Variants in NCAPD3 observed in about 807,000 individuals in gnomAD.
NCAPD3 encodes non-SMC condensin II complex subunit D3.
A neutral mutation model predicts 182.9 loss-of-function variants in NCAPD3; 105 were observed. That is an observed-to-expected ratio of 0.57 (90% CI 0.49 to 0.68). The LOEUF is 0.68. Among genes scored for constraint, NCAPD3 ranks in the 30% least tolerant of loss-of-function variants. NCAPD3 has a pLI of 0.00. For synonymous variants in NCAPD3, 815 were observed against 679.9 expected (o/e 1.20, Z -3.09); for missense variants, 1,944 against 1,837.0 (o/e 1.06, Z -1.07).
chr11:134,192,949 C>T, intron 15 of NCAPD3, 40 bp from the exon 16 acceptor site: 1 of 1,166,662 alleles, frequency 8.6e-7, no homozygotes, highest in Non-Finnish European at 1.3e-6. Context: ...GGTCTAAATA[C>T]AAGTCAGGGA....
chr11:134,224,206 G>A, upstream of NCAPD3: 2 of 543,718 alleles, frequency 3.7e-6, no homozygotes, highest in South Asian at 2.3e-5. Context: ...CCCTAACAGC[G>A]TTTTTCCCGC....
In NCAPD3 at chr11:134,168,211, A is replaced by G; in HGVS notation, c.3374-16T>C. The G allele has an allele frequency of 6.2e-7, 1 of 1,610,848 alleles. No homozygotes were observed. The highest frequency in any genetic ancestry group is 8.5e-7 in the Non-Finnish European group (1 of 1,177,194). On this transcript the variant is annotated splice_polypyrimidine_tract_variant and intron_variant, in intron 26 of 34. Transcript: ENST00000534548. ...GCAAAGCACGCTGAGAGACAGAGAG[A>G]GAGAAAAACGTGAGCTTCTGAGAAA... is the stretch of plus-strand genomic sequence containing the variant.
chr11:134,158,612 C>T (rs937008727), intron 29 of NCAPD3, 117 bp from the exon 30 acceptor site: 71 of 1,094,318 alleles, frequency 6.5e-5, no homozygotes, highest in Middle Eastern at 2.6e-4. Context: ...ATGTGGACAA[C>T]GTAATGATCA....
rs529096909 is a variant in NCAPD3, at chr11:134,175,843, G to A, written c.3101+464C>T. 2.0e-5 allele frequency among the ~76,000 whole-genome samples: 3 copies of A among 152,194 alleles called. No individual in the cohort carries two copies. The East Asian group carries it at 5.8e-4, about 29-fold the overall frequency. On this transcript the variant is annotated intron_variant, in intron 24 of 34. Transcript: ENST00000534548. ...GAAATGCCCATTTCCAAGGAGTCTT[G>A]TCATCTGTACACTTGATTCCACATT...
chr11:134,197,975 C>A (rs1168283428), intron 13 of NCAPD3, among the ~76,000 whole-genome samples: 1 of 152,162 alleles, frequency 6.6e-6, no homozygotes, highest in Non-Finnish European at 1.5e-5. Context: ...AGAAAAAAGA[C>A]AAAGAAGTCT....
chr11:134,186,113 C>A (rs893349809), intron 16 of NCAPD3: 1 of 152,094 alleles, frequency 6.6e-6, no homozygotes, highest in Admixed American at 6.6e-5. Flanking sequence ...CTAAAATATG[C>A]AATAACTTAA....
chr11:134,167,948 A>T lies in NCAPD3; in HGVS notation c.3573+48T>A, dbSNP rs200983993. 381 of 1,557,752 alleles carry T rather than the reference A, an allele frequency of 2.4e-4. 1 individual carries two copies. Among genetic ancestry groups the T allele is most frequent in the Middle Eastern group, 1.0e-3 (6 of 5,864 alleles). ...ACTCGTGAGATGAGCTTAGGGGAGC[A>T]GCACACTCACTTGTGAGAAGATGAT... is the stretch of plus-strand genomic sequence containing the variant. On this transcript the variant is annotated intron_variant, in intron 27 of 34. Coordinates refer to ENST00000534548, the MANE Select transcript of NCAPD3 (RefSeq NM_015261.3).
chr11:134,183,957 C>T (rs1944347251), intron 19 of NCAPD3, among the ~76,000 whole-genome samples: 1 of 152,188 alleles, frequency 6.6e-6, no homozygotes, highest in Admixed American at 6.5e-5. Flanking sequence ...TTAATAACCC[C>T]AGCTCTACAT....
At chr11:134,191,224 T>TTAA (rs1487872760) in intron 16 of NCAPD3, among the ~76,000 whole-genome samples, 3 of 152,216 alleles carry the variant, frequency 2.0e-5, no homozygotes, top group African/African-American at 7.2e-5. Flanking sequence ...CTTAAAGACC[T>TTAA]CTGAAATAAA....
At chr11:134,195,334 A>G (rs1944606102) in intron 13 of NCAPD3, among the ~76,000 whole-genome samples, 1 of 152,088 alleles carries the variant, frequency 6.6e-6, no homozygotes, top group Non-Finnish European at 1.5e-5. Context: ...CCTAGCCTCA[A>G]GTGATCCTCC....
Position 134,156,722 on chromosome 11 carries a change from A to C in NCAPD3, c.4252+296T>G, listed in dbSNP as rs189762007. Among the ~76,000 whole-genome samples the C allele has an allele frequency of 4.7e-4, 72 of 152,282 alleles. 1 individual carries two copies. Among genetic ancestry groups the C allele is most frequent in the African/African-American group, 1.6e-3 (67 of 41,558 alleles). On this transcript the variant is annotated intron_variant, in intron 32 of 34. Transcript: ENST00000534548. ...AGAGACACGGAGGGCCGCCTCCAGA[A>C]GGCACCACTGGGTCAGTCACCCAAC...
At position 134,176,351 on chromosome 11, in the gene NCAPD3, G is replaced by A; in HGVS notation, c.3057C>T (p.Phe1019=). 6.2e-7 allele frequency: 1 copy of A among 1,614,080 alleles called. No homozygotes were observed. The highest frequency in any genetic ancestry group is 8.5e-7 in the Non-Finnish European group (1 of 1,179,972). ...AATCGATCAGAGTGCTGACAAATCGGAAGAACAGGGAGCCCTTCCATTTCA... is the reference window on the plus strand; with the variant it reads ...AATCGATCAGAGTGCTGACAAATCGAAAGAACAGGGAGCCCTTCCATTTCA... ...EFVKWKGSLF[F]RFVSTLIDSH... is the part of the protein sequence containing the mutation. Residue 1019 remains phenylalanine (F), a synonymous_variant, in exon 24 of 35, where the codon TTC becomes TTT. Coordinates refer to ENST00000534548, the MANE Select transcript of NCAPD3 (RefSeq NM_015261.3).
chr11:134,169,374 T>C (rs938200792), intron 24 of NCAPD3, among the ~76,000 whole-genome samples: 6 of 152,248 alleles, frequency 3.9e-5, no homozygotes, highest in Admixed American at 2.0e-4. Context: ...CCAAAGCTGC[T>C]TCTGCAATCA....
chr11:134,190,689 A>T lies in NCAPD3; in HGVS notation c.2045+2000T>A, dbSNP rs143059753. Among the ~76,000 whole-genome samples, 440 of 152,230 alleles carry T rather than the reference A, an allele frequency of 2.9e-3. 5 individuals carry two copies. The highest frequency in any genetic ancestry group is 0.01 in the African/African-American group (428 of 41,528). On this transcript the variant is annotated intron_variant, in intron 16 of 34. Transcript: ENST00000534548. ...ACAAGGTCTCACCACATTGCCAGGG[A>T]TGATCTCAAACTCCTGGTCTTAAGC...
chr11:134,170,512 G>T (rs776172218), intron 24 of NCAPD3, among the ~76,000 whole-genome samples: 4 of 152,200 alleles, frequency 2.6e-5, no homozygotes, highest in Non-Finnish European at 5.9e-5. Flanking sequence ...CTATGGCATG[G>T]CAGTTTCCAC....
At chr11:134,158,819 C>T (rs1943501719) in intron 29 of NCAPD3, among the ~76,000 whole-genome samples, 1 of 152,160 alleles carries the variant, frequency 6.6e-6, no homozygotes, top group Non-Finnish European at 1.5e-5. Flanking sequence ...CTCTTCATCC[C>T]CCTTCTCCCA....
chr11:134,215,759 C>T (rs753196192), intron 3 of NCAPD3, among the ~76,000 whole-genome samples: 14 of 152,104 alleles, frequency 9.2e-5, no homozygotes, highest in Admixed American at 2.0e-4. Flanking sequence ...CTGTCAAAAC[C>T]GCAGCTGGCT....
intron 13 of NCAPD3, among the ~76,000 whole-genome samples, chr11:134,198,447 T>C (rs900253863): frequency 5.3e-5 from 8 of 152,312 alleles, no homozygotes; most frequent in Admixed American, 2.6e-4. Flanking sequence ...CTGATTGATG[T>C]CTGATGCCTC....
chr11:134,183,461 G>A lies in NCAPD3; in HGVS notation c.2451+1176C>T, dbSNP rs554208358. Among the ~76,000 whole-genome samples the A allele has an allele frequency of 4.1e-4, 62 of 152,276 alleles. No individual in the cohort carries two copies. In the South Asian group the frequency reaches 6.0e-3, roughly 15 times the overall value. On this transcript the variant is annotated intron_variant, in intron 19 of 34. Coordinates refer to ENST00000534548, the MANE Select transcript of NCAPD3 (RefSeq NM_015261.3). ...CATGTGCCTGTAATCCCAGCTACTC[G>A]GGAGGCTGAGGCACGAGAATTGCTT...
Sources: allele counts gnomAD v4.1 joint callset (sites outside exome capture counted in the v4.1 genomes callset), GRCh38; gene constraint gnomAD v4.1.1; transcripts MANE v1.5; gene names NCBI Gene and HGNC (gene_info 2026-07-23, HGNC 2026-07-21).